Variants in ANAPC15 observed in about 807,000 individuals in gnomAD.
The protein encoded by ANAPC15 is anaphase promoting complex subunit 15.
ANAPC15 carries 13 observed loss-of-function variants against 19.8 expected under a neutral mutation model. The ratio of observed to expected loss-of-function variants is 0.66; its 90% CI spans 0.43 to 1.04. The LOEUF (loss-of-function observed/expected upper bound fraction) is 1.04, where lower values mean the gene tolerates loss of function less well. Among genes scored for constraint, ANAPC15 ranks in the 50% least tolerant of loss-of-function variants. ANAPC15 has a pLI of 0.00. For missense variants in ANAPC15, 88 were observed against 150.3 expected (o/e 0.59, Z 2.17); for synonymous variants, 45 against 50.7 (o/e 0.89, Z 0.47).
At chr11:72,106,614 A>T (rs752755799), downstream of ANAPC15, 1 of 159,330 alleles carries the variant, frequency 6.3e-6, no homozygotes. Flanking sequence ...GCCTGGATTT[A>T]TCTCAATCCC....
intron 4 of ANAPC15, 42 bp downstream of exon 4, chr11:72,110,502 A>G: frequency 3.1e-6 from 5 of 1,611,782 alleles, no homozygotes; most frequent in Non-Finnish European, 4.2e-6. Flanking sequence ...GCCTCGGTCC[A>G]CTGCGGCCCC....
downstream of ANAPC15, chr11:72,108,994 C>CAAACAGGAAAGGGAGGGGATTT: frequency 7.3e-7 from 1 of 1,361,984 alleles, no homozygotes; most frequent in Non-Finnish European, 9.8e-7. Context: ...TCAAAATCCC[C>CAAACAGGAAAGGGAGGGGATTT]TCCCTTTCCT....
At chr11:72,110,065 C>T in intron 5 of ANAPC15, 23 bp downstream of exon 5, 1 of 1,614,008 alleles carries the variant, frequency 6.2e-7, no homozygotes, top group African/African-American at 1.3e-5. Context: ...GAACAGAGGC[C>T]CTCCCCCATA....
chr11:72,111,958 G>A (rs181872901), intron 1 of ANAPC15: 89 of 152,958 alleles, frequency 5.8e-4, no homozygotes, highest in African/African-American at 2.0e-3. Context: ...AGCGGCTGAG[G>A]GAGCCGACCA....
downstream of ANAPC15, chr11:72,108,624 G>A: frequency 1.3e-6 from 2 of 1,485,712 alleles, no homozygotes; most frequent in African/African-American, 1.4e-5. Context: ...ATCGTGGGCA[G>A]CTCAGAGGAC....
Position 72,110,496 on chromosome 11 carries a change from C to T in ANAPC15, c.180+48G>A, listed in dbSNP as rs369798854. The T allele has an allele frequency of 5.6e-5, 90 of 1,609,552 alleles. No homozygotes were observed. In the African/African-American group the frequency reaches 7.3e-4, roughly 13 times the overall value. On this transcript the variant is annotated intron_variant, in intron 4 of 5. Transcript: ENST00000227618. The stretch of plus-strand genomic sequence containing the variant: ...GACATTCAGAATTAGAGCAGAGCCT[C>T]GGTCCACTGCGGCCCCCACACAGGC...
At chr11:72,109,002 C>G, downstream of ANAPC15, 2 of 1,305,438 alleles carry the variant, frequency 1.5e-6, no homozygotes, top group Non-Finnish European at 2.1e-6. Flanking sequence ...CCCTCCCTTT[C>G]CTGTTTGGGG....
chr11:72,112,236 G>A, intron 1 of ANAPC15: 1 of 156,918 alleles, frequency 6.4e-6, no homozygotes, highest in South Asian at 1.4e-4. Context: ...AAGAAGTACT[G>A]ACAGACCAGC....
chr11:72,108,601 AC>A (rs1945978038), downstream of ANAPC15: 1 of 1,448,696 alleles, frequency 6.9e-7, no homozygotes, highest in African/African-American at 1.4e-5. Flanking sequence ...CCCTATCCCC[AC>A]AGGTGGAGCT....
Position 72,109,693 on chromosome 11 carries a change from T to C in ANAPC15, c.*188A>G. The C allele has an allele frequency of 1.5e-6, 1 of 673,208 alleles. No individual in the cohort carries two copies. Among genetic ancestry groups the C allele is most frequent in the South Asian group, 1.8e-5 (1 of 54,380 alleles). The allele number at this position is 673,208 out of a possible 1,614,324, so 41.7% of individuals were successfully genotyped here. A position where few individuals can be genotyped will look rare whatever the true frequency, so the allele number is the denominator to read the frequency against. ...GGAGTAGGTTTCAGGCCCTGGGGAT[T>C]TCAAGTGCAGACTGATGGCCTGGGA... On this transcript the variant is annotated 3_prime_UTR_variant, in exon 6 of 6. Transcript: ENST00000227618.
At chr11:72,108,883 C>G, downstream of ANAPC15, 1 of 1,549,930 alleles carries the variant, frequency 6.5e-7, no homozygotes, top group East Asian at 2.4e-5. Flanking sequence ...TCCCTGCCAT[C>G]AAGGATGGAA....
At chr11:72,109,970 A>C in intron 5 of ANAPC15, 42 bp from the exon 6 acceptor site, 3 of 1,613,958 alleles carry the variant, frequency 1.9e-6, no homozygotes, top group Middle Eastern at 1.6e-4. Flanking sequence ...GGCCTCAGCC[A>C]GCCTCAGCCC....
downstream of ANAPC15, chr11:72,109,274 A>T: frequency 2.2e-6 from 1 of 460,636 alleles, no homozygotes; most frequent in Non-Finnish European, 4.2e-6. Flanking sequence ...AGGAAGCTGG[A>T]TGGGAGAGCT....
downstream of ANAPC15, chr11:72,107,153 G>A: frequency 2.4e-6 from 1 of 422,612 alleles, no homozygotes. Context: ...TGTGGTTCCA[G>A]CTACTGGAAA....
chr11:72,108,530 G>A (rs992192892), downstream of ANAPC15: 27 of 1,349,084 alleles, frequency 2.0e-5, no homozygotes, highest in Non-Finnish European at 2.6e-5. Flanking sequence ...CATGAAGTAA[G>A]CCAGATCCTG....
At chr11:72,108,924 G>A (rs915259470), downstream of ANAPC15, 2 of 1,527,490 alleles carry the variant, frequency 1.3e-6, no homozygotes, top group South Asian at 1.2e-5. Context: ...GGACCAGGCT[G>A]AGGTCCAGGC....
chr11:72,108,902 C>T, downstream of ANAPC15: 1 of 1,545,110 alleles, frequency 6.5e-7, no homozygotes. Flanking sequence ...AATAGCTCAG[C>T]TCACCTATGC....
At chr11:72,107,426 T>G, downstream of ANAPC15, 3 of 702,516 alleles carry the variant, frequency 4.3e-6, no homozygotes, top group Non-Finnish European at 5.2e-6. Context: ...AAGAGCAACA[T>G]TTGAACTGAA....
downstream of ANAPC15, chr11:72,107,977 T>C (rs1472049145): frequency 1.3e-6 from 2 of 1,551,618 alleles, no homozygotes. Context: ...GTGCTGGAAT[T>C]GGGAACCTAC....
Sources: gnomAD v4.1 joint callset for allele counts on GRCh38, gnomAD v4.1.1 for gene constraint, MANE v1.5 for transcripts, NCBI Gene and HGNC (gene_info 2026-07-23, HGNC 2026-07-21) for gene names.